Variants in PPP3CA observed in about 807,000 individuals in gnomAD.
PPP3CA encodes CAM-PRP catalytic subunit.
PPP3CA carries 14 observed loss-of-function variants against 66.5 expected under a neutral mutation model. The observed-to-expected ratio is 0.21, with a 90% CI of 0.14 to 0.33. The LOEUF is 0.33. Among genes scored for constraint, PPP3CA ranks in the 10% least tolerant of loss-of-function variants. PPP3CA has a pLI of 1.00. For synonymous variants in PPP3CA, 232 were observed against 226.2 expected, an observed-to-expected ratio of 1.03 and a Z score of -0.23; for missense variants, 317 against 639.5, an observed-to-expected ratio of 0.50 and a Z score of 5.44.
chr4:101,145,433 T>G (rs1178241916), intron 2 of PPP3CA, among the ~76,000 whole-genome samples: 1 of 151,922 alleles, frequency 6.6e-6, no homozygotes. Context: ...CATAAGGGAG[T>G]GCTATTTAGC....
chr4:101,024,984 G>GTACT lies in PPP3CA; in HGVS notation c.*877_*880dup. 2 of 146,074 alleles carry GTACT rather than the reference G, an allele frequency of 1.4e-5. No homozygotes were observed. The highest frequency in any genetic ancestry group is 4.0e-4 in the East Asian group (2 of 5,054). 9.0% of individuals were successfully genotyped at this position (146,074 alleles called of 1,614,324 possible). A position where few individuals can be genotyped will look rare whatever the true frequency, so the allele number is the denominator to read the frequency against. On this transcript the variant is annotated 3_prime_UTR_variant, in exon 14 of 14. Transcript: ENST00000394854. ...TACAGAATATAGATGCTTTATCACT[G>GTACT]TACTTAATATGGTGTCTTGTTCACT...
chr4:101,332,718 G>A (rs977801699), intron 1 of PPP3CA, among the ~76,000 whole-genome samples: 4 of 152,160 alleles, frequency 2.6e-5, no homozygotes, highest in African/African-American at 4.8e-5. Flanking sequence ...TCCTCTCGTC[G>A]TTACAACAAC....
intron 5 of PPP3CA, among the ~76,000 whole-genome samples, chr4:101,095,332 C>T (rs1578441285): frequency 6.6e-6 from 1 of 151,986 alleles, no homozygotes; most frequent in Non-Finnish European, 1.5e-5. Context: ...TAAAGGTCTG[C>T]AAAGCTACCA....
intron 10 of PPP3CA, 54 bp from the exon 11 acceptor site, chr4:101,040,620 G>GTGTAAAATCAATTACA: frequency 6.9e-7 from 1 of 1,448,436 alleles, no homozygotes; most frequent in Non-Finnish European, 9.5e-7. Flanking sequence ...AATTGTAATT[G>GTGTAAAATCAATTACA]ATTTTACACA....
intron 10 of PPP3CA, among the ~76,000 whole-genome samples, chr4:101,059,060 A>G (rs1297460061): frequency 6.6e-6 from 1 of 152,152 alleles, no homozygotes; most frequent in African/African-American, 2.4e-5. Context: ...TAAAAGGAAT[A>G]TAGTGAAAGG....
chr4:101,063,914 G>C (rs1167041792), intron 8 of PPP3CA, among the ~76,000 whole-genome samples: 2 of 151,902 alleles, frequency 1.3e-5, no homozygotes, highest in Admixed American at 6.6e-5. Flanking sequence ...ACAGTAATCA[G>C]ATCAGGGTAA....
intron 10 of PPP3CA, among the ~76,000 whole-genome samples, 155 bp from the exon 11 acceptor site, chr4:101,040,721 T>G (rs1191050890): frequency 1.3e-5 from 2 of 152,188 alleles, no homozygotes; most frequent in African/African-American, 4.8e-5. Flanking sequence ...ATTTGAAAAT[T>G]TAAGCTTTTG....
chr4:101,277,118 A>AT (rs1401384993), intron 1 of PPP3CA, among the ~76,000 whole-genome samples: 1 of 152,084 alleles, frequency 6.6e-6, no homozygotes, highest in Non-Finnish European at 1.5e-5. Flanking sequence ...CTGTCACCAT[A>AT]TTTTTGCCTT....
chr4:101,108,378 A>G (rs1721511893), intron 3 of PPP3CA, among the ~76,000 whole-genome samples: 3 of 152,234 alleles, frequency 2.0e-5, no homozygotes, highest in Admixed American at 2.0e-4. Flanking sequence ...ATTTATTGTA[A>G]AGCAAAACGT....
At chr4:101,196,824 A>T (rs1724809425) in intron 1 of PPP3CA, among the ~76,000 whole-genome samples, 1 of 151,966 alleles carries the variant, frequency 6.6e-6, no homozygotes, top group Admixed American at 6.6e-5. Context: ...TCTCTCTTCC[A>T]CTCACCCGCA....
intron 8 of PPP3CA, among the ~76,000 whole-genome samples, chr4:101,073,051 A>T (rs1728989846): frequency 6.6e-6 from 1 of 151,910 alleles, no homozygotes; most frequent in Admixed American, 6.6e-5. Flanking sequence ...CACATATTGA[A>T]TCTTGGATAT....
intron 1 of PPP3CA, among the ~76,000 whole-genome samples, chr4:101,258,623 C>T (rs1365410947): frequency 6.6e-6 from 1 of 152,038 alleles, no homozygotes; most frequent in Non-Finnish European, 1.5e-5. Context: ...TTTTCTCTTT[C>T]TTGTTTACCT....
chr4:101,122,147 T>C (rs955498392), intron 2 of PPP3CA, among the ~76,000 whole-genome samples: 1 of 152,120 alleles, frequency 6.6e-6, no homozygotes, highest in Non-Finnish European at 1.5e-5. Flanking sequence ...TATGACTCTT[T>C]CCTTCTGTTT....
chr4:101,232,328 G>C (rs1249805154), intron 1 of PPP3CA, among the ~76,000 whole-genome samples: 1 of 151,578 alleles, frequency 6.6e-6, no homozygotes, highest in Non-Finnish European at 1.5e-5. Flanking sequence ...GAGCCATTTG[G>C]TTCCTCCTGG....
chr4:101,173,303 G>T (rs1449163418), intron 2 of PPP3CA, among the ~76,000 whole-genome samples: 1 of 152,034 alleles, frequency 6.6e-6, no homozygotes, highest in African/African-American at 2.4e-5. Context: ...TATTTGGCCT[G>T]TGGTAAGAGA....
At chr4:101,161,048 T>C (rs973888002) in intron 2 of PPP3CA, among the ~76,000 whole-genome samples, 3 of 152,182 alleles carry the variant, frequency 2.0e-5, no homozygotes, top group Non-Finnish European at 4.4e-5. Flanking sequence ...ATCATATTTT[T>C]ACTGTGTCTT....
At position 101,218,768 on chromosome 4, in the gene PPP3CA, A is replaced by T. The variant is rs200043395; in HGVS notation, c.59-22652T>A. Among the ~76,000 whole-genome samples, 8 of 152,188 alleles carry T rather than the reference A, an allele frequency of 5.3e-5. No individual in the cohort carries two copies. In the East Asian group the frequency reaches 1.5e-3, roughly 29 times the overall value. Reference sequence around the variant, plus strand: ...CTCTCTGAGAAAAAAAAGAATAGAGACCTAAAATGAAGTAAATGGGTATGC... The same window carrying T: ...CTCTCTGAGAAAAAAAAGAATAGAGTCCTAAAATGAAGTAAATGGGTATGC... On this transcript the variant is annotated intron_variant, in intron 1 of 13. Transcript: ENST00000394854.
At position 101,025,875 on chromosome 4, in the gene PPP3CA, TTGC is replaced by T; in HGVS notation, c.1553_1555del (p.Ser518del). The T allele has an allele frequency of 6.5e-7, 1 of 1,541,970 alleles. No homozygotes were observed. Among genetic ancestry groups the T allele is most frequent in the Non-Finnish European group, 8.8e-7 (1 of 1,134,432 alleles). Reference sequence around the variant, plus strand: ...GTGAACAGGAAGTGGTCACTGAATATTGCTGCTATTACTGCCATTGCTGTCCGT... The same window carrying T: ...GTGAACAGGAAGTGGTCACTGAATATTGCTATTACTGCCATTGCTGTCCGT... On this transcript the variant is annotated inframe_deletion, in exon 14 of 14. Coordinates refer to ENST00000394854, the MANE Select transcript of PPP3CA (RefSeq NM_000944.5).
rs1050747120 is a variant in PPP3CA, at chr4:101,042,624, T to C, written c.1157-2058A>G. On this transcript the variant is annotated intron_variant, in intron 10 of 13. Transcript: ENST00000394854. The stretch of plus-strand genomic sequence containing the variant: ...TCGGTCAGAACACTGGGGAGGAAAA[T>C]AGGGTGTGTGCAGGATCCCTACCTC... Among the ~76,000 whole-genome samples, 4 of 152,028 alleles carry C rather than the reference T, an allele frequency of 2.6e-5. No individual in the cohort carries two copies. The East Asian group carries it at 7.7e-4, about 29-fold the overall frequency.
Sources: allele counts gnomAD v4.1 joint callset (sites outside exome capture counted in the v4.1 genomes callset), GRCh38; gene constraint gnomAD v4.1.1; transcripts MANE v1.5; gene names NCBI Gene and HGNC (gene_info 2026-07-23, HGNC 2026-07-21).